Variants in SPOCK1 observed in about 807,000 individuals in gnomAD.
The protein encoded by SPOCK1 is SPARC (osteonectin), cwcv and kazal like domains proteoglycan 1, also known as testican-1.
Under a neutral mutation model 55.3 loss-of-function variants are expected in SPOCK1, and 23 were observed. The ratio of observed to expected loss-of-function variants is 0.42; its 90% CI spans 0.30 to 0.59. The LOEUF (loss-of-function observed/expected upper bound fraction) is 0.59, where lower values mean the gene tolerates loss of function less well. Ranked by LOEUF, SPOCK1 falls within the 20% of genes least tolerant of loss-of-function variation. The pLI, the probability that SPOCK1 is intolerant of heterozygous loss-of-function variation, is 0.22. For synonymous variants in SPOCK1, 226 were observed against 221.0 expected, an observed-to-expected ratio of 1.02 and a Z score of -0.20; for missense variants, 499 against 552.5, an observed-to-expected ratio of 0.90 and a Z score of 0.97.
chr5:137,414,899 A>G lies in SPOCK1; in HGVS notation c.186+83474T>C, dbSNP rs140148611. ...CCCCTTACTAACTGGAGGATATTACATCTTGTCCCTTAGGTGCTATATCTT... is the reference window on the plus strand; with the variant it reads ...CCCCTTACTAACTGGAGGATATTACGTCTTGTCCCTTAGGTGCTATATCTT... On this transcript the variant is annotated intron_variant, in intron 2 of 10. Transcript: ENST00000394945. Among the ~76,000 whole-genome samples the G allele has an allele frequency of 2.0e-5, 3 of 149,772 alleles. No individual in the cohort carries two copies. The East Asian group carries it at 5.9e-4, about 29-fold the overall frequency.
intron 5 of SPOCK1, among the ~76,000 whole-genome samples, chr5:137,078,607 T>G (rs968542877): frequency 4.6e-5 from 7 of 152,188 alleles, no homozygotes; most frequent in African/African-American, 1.4e-4. Flanking sequence ...CAGGTCAATT[T>G]ACATAACCTG....
intron 2 of SPOCK1, among the ~76,000 whole-genome samples, chr5:137,432,915 T>C (rs370144908): frequency 6.6e-6 from 1 of 152,182 alleles, no homozygotes; most frequent in Non-Finnish European, 1.5e-5. Context: ...GCTGAAATGC[T>C]TGCCCCCATT....
intron 6 of SPOCK1, among the ~76,000 whole-genome samples, chr5:137,037,532 C>A (rs1373802468): frequency 6.6e-6 from 1 of 152,090 alleles, no homozygotes; most frequent in Admixed American, 6.6e-5. Context: ...GTAACAGCAG[C>A]TGCTATAATA....
At chr5:137,413,866 T>C (rs1303472078) in intron 2 of SPOCK1, among the ~76,000 whole-genome samples, 2 of 152,122 alleles carry the variant, frequency 1.3e-5, no homozygotes, top group African/African-American at 4.8e-5. Flanking sequence ...ATCACAAGGG[T>C]TCTACCAGGT....
intron 3 of SPOCK1, among the ~76,000 whole-genome samples, chr5:137,172,479 T>C (rs897843494): frequency 6.6e-6 from 1 of 152,160 alleles, no homozygotes; most frequent in South Asian, 2.1e-4. Context: ...TGCAGGAAGA[T>C]GAGCTCTCTG....
chr5:137,487,522 T>C (rs1754085024), intron 2 of SPOCK1, among the ~76,000 whole-genome samples: 1 of 152,204 alleles, frequency 6.6e-6, no homozygotes, highest in Non-Finnish European at 1.5e-5. Flanking sequence ...TCCTTGTTTG[T>C]TCCATACCCT....
intron 5 of SPOCK1, among the ~76,000 whole-genome samples, chr5:137,079,236 A>G (rs1388495212): frequency 6.6e-6 from 1 of 152,196 alleles, no homozygotes; most frequent in African/African-American, 2.4e-5. Flanking sequence ...ACTAGGTTTT[A>G]ATTCACTTGG....
chr5:137,453,224 T>G (rs1753294205), intron 2 of SPOCK1, among the ~76,000 whole-genome samples: 1 of 152,222 alleles, frequency 6.6e-6, no homozygotes, highest in Admixed American at 6.5e-5. Flanking sequence ...AAATTCGCTG[T>G]CAATGCTAAT....
chr5:137,450,379 G>C (rs1753230376), intron 2 of SPOCK1, among the ~76,000 whole-genome samples: 1 of 152,120 alleles, frequency 6.6e-6, no homozygotes, highest in Admixed American at 6.5e-5. Flanking sequence ...GTGGCATCCT[G>C]CACCAGTGCA....
chr5:137,124,952 A>G (rs916980), intron 4 of SPOCK1, among the ~76,000 whole-genome samples: 71,822 of 152,036 alleles, frequency 0.47, 17,142 homozygotes, highest in Middle Eastern at 0.52. Flanking sequence ...AGATTGACAC[A>G]TTACCTCCAG....
In SPOCK1 at chr5:137,356,873, A is replaced by AGAGAGAGAGAGAGAGAGAGT. The variant is rs796667572; in HGVS notation, c.187-89819_187-89818insACTCTCTCTCTCTCTCTCTC. ...GAGAGAGAGAGAGAGAGAGAGAGAG[A>AGAGAGAGAGAGAGAGAGAGT]GAGTATGCAGACCAACCAGGGGGCC... On this transcript the variant is annotated intron_variant, in intron 2 of 10. Coordinates refer to ENST00000394945, the MANE Select transcript of SPOCK1 (RefSeq NM_004598.4). Among the ~76,000 whole-genome samples, 297 of 69,736 alleles carry AGAGAGAGAGAGAGAGAGAGT rather than the reference A, an allele frequency of 4.3e-3. 31 individuals carry two copies. Among genetic ancestry groups the AGAGAGAGAGAGAGAGAGAGT allele is most frequent in the African/African-American group, 8.7e-3 (119 of 13,658 alleles). 45.7% of individuals were successfully genotyped at this position (69,736 alleles called of 152,430 possible).
chr5:137,250,206 A>C (rs1267788220), intron 3 of SPOCK1, among the ~76,000 whole-genome samples: 1 of 152,216 alleles, frequency 6.6e-6, no homozygotes, highest in Non-Finnish European at 1.5e-5. Context: ...CTGTAATGGC[A>C]GCTTCCCTCT....
chr5:137,149,786 C>T (rs1007923769), intron 3 of SPOCK1, among the ~76,000 whole-genome samples: 19 of 152,130 alleles, frequency 1.2e-4, no homozygotes, highest in African/African-American at 4.3e-4. Flanking sequence ...TTTTAGTGTA[C>T]CTAGAAGATA....
At chr5:137,144,013 G>A (rs148137219) in intron 3 of SPOCK1, among the ~76,000 whole-genome samples, 2 of 152,128 alleles carry the variant, frequency 1.3e-5, no homozygotes, top group Admixed American at 1.3e-4. Flanking sequence ...AGAGGCTTTG[G>A]GGGCAGAATG....
chr5:137,329,514 T>G (rs979370750), intron 2 of SPOCK1, among the ~76,000 whole-genome samples: 1 of 152,160 alleles, frequency 6.6e-6, no homozygotes, highest in African/African-American at 2.4e-5. Flanking sequence ...TAGAGATTTT[T>G]TTATGGGTCA....
chr5:137,143,322 T>A (rs1754134416), intron 3 of SPOCK1, among the ~76,000 whole-genome samples: 1 of 152,208 alleles, frequency 6.6e-6, no homozygotes, highest in Non-Finnish European at 1.5e-5. Flanking sequence ...TTTGCCTCTG[T>A]ATCCAACTTT....
chr5:137,353,929 A>G (rs1750735352), intron 2 of SPOCK1, among the ~76,000 whole-genome samples: 1 of 152,116 alleles, frequency 6.6e-6, no homozygotes, highest in Non-Finnish European at 1.5e-5. Context: ...CCAGCACCAC[A>G]TGACAAAGCT....
intron 2 of SPOCK1, among the ~76,000 whole-genome samples, chr5:137,291,644 G>T (rs1447341711): frequency 6.6e-6 from 1 of 152,228 alleles, no homozygotes; most frequent in Non-Finnish European, 1.5e-5. Context: ...GCAAGGAGAG[G>T]GGTAAGCTGA....
chr5:136,978,753 C>G lies in SPOCK1; in HGVS notation c.1221G>C (p.Lys407Asn). ...DLEYERELGP[K>N]DKEGKLRVHT... ...GCACCCTCAGCTTCCCCTCTTTGTC[C>G]TTTGGTCCCAGCTCCCGTTCATATT... Residue 407 changes from lysine to asparagine, a missense_variant, in exon 11 of 11, where the codon AAG (lysine) becomes AAC (asparagine). Lys to Asn is a moderately conservative substitution (Grantham distance 94). This residue lies in a region of SPOCK1 where 83 missense variants were observed against 87.5 expected (regional missense o/e 0.95). Transcript: ENST00000394945. 6.2e-7 allele frequency: 1 copy of G among 1,614,116 alleles called. No homozygotes were observed. The highest frequency in any genetic ancestry group is 8.5e-7 in the Non-Finnish European group (1 of 1,180,014).
Sources: allele counts gnomAD v4.1 joint callset (sites outside exome capture counted in the v4.1 genomes callset), GRCh38; gene constraint gnomAD v4.1.1; regional missense constraint gnomAD v4.1.1; transcripts MANE v1.5; gene names NCBI Gene and HGNC (gene_info 2026-07-23, HGNC 2026-07-21).